Variants in CDT1 observed in about 807,000 individuals in gnomAD.
CDT1 encodes DNA replication factor Cdt1.
CDT1 carries 66 observed loss-of-function variants against 49.3 expected under a neutral mutation model. The ratio of observed to expected loss-of-function variants is 1.34; its 90% confidence interval spans 1.10 to 1.64. The LOEUF is 1.64. CDT1 is among the 40% of genes most tolerant of loss of function. The pLI, the probability that CDT1 is intolerant of heterozygous loss-of-function variation, is 0.00. For synonymous variants in CDT1, 424 were observed against 347.4 expected (o/e 1.22, Z -2.45); for missense variants, 958 against 807.7 (o/e 1.19, Z -2.26).
rs146199695 is a variant in CDT1, at chr16:88,807,477, G to T, written c.1472G>T (p.Ser491Ile). Residue 491 changes from serine (S) to isoleucine (I), a missense_variant, in exon 9 of 10, where the codon AGC becomes ATC. By Grantham distance (142) the Ser-to-Ile change is moderately radical. Transcript: ENST00000301019. ...GTGGGCAGCTGTTGTACTATCATGAGCCCTGGTACGTGCAGGGCGGGGTGA... is the reference window on the plus strand; with the variant it reads ...GTGGGCAGCTGTTGTACTATCATGATCCCTGGTACGTGCAGGGCGGGGTGA... ...RMVGSCCTIM[S>I]PGEMEKHLLL... 1 of 1,612,922 alleles carries T rather than the reference G, an allele frequency of 6.2e-7. No homozygotes were observed. Among genetic ancestry groups the T allele is most frequent in the East Asian group, 2.2e-5 (1 of 44,890 alleles).
At chr16:88,804,366 G>A (rs1412360472) in intron 1 of CDT1, among the ~76,000 whole-genome samples, 179 bp from the exon 2 acceptor site, 1 of 152,156 alleles carries the variant, frequency 6.6e-6, no homozygotes, top group African/African-American at 2.4e-5. Context: ...GGCCCCGGAA[G>A]ACGAGAGCAA....
chr16:88,804,733 C>CCCCT (rs746278564), intron 2 of CDT1, 29 bp from the exon 3 acceptor site: 24 of 1,612,634 alleles, frequency 1.5e-5, no homozygotes, highest in African/African-American at 2.7e-5. Context: ...GCCTGCCTGA[C>CCCCT]GGCACCGTGT....
intron 9 of CDT1, among the ~76,000 whole-genome samples, chr16:88,807,873 C>T (rs922592718): frequency 2.0e-5 from 3 of 152,226 alleles, no homozygotes; most frequent in African/African-American, 4.8e-5. Flanking sequence ...CATGGGCTGG[C>T]GGCCTCCATG....
chr16:88,806,457 A>C (rs753831123), intron 6 of CDT1, 29 bp from the exon 7 acceptor site: 4 of 1,606,586 alleles, frequency 2.5e-6, no homozygotes, highest in Admixed American at 1.7e-5. Context: ...AGATGTGCCC[A>C]GGGTCACCCA....
In CDT1 at chr16:88,808,241, G is replaced by T; in HGVS notation, c.1604G>T (p.Arg535Leu). 6.2e-7 allele frequency: 1 copy of T among 1,603,710 alleles called. No individual in the cohort carries two copies. The highest frequency in any genetic ancestry group is 8.5e-7 in the Non-Finnish European group (1 of 1,175,754). Residue 535 changes from arginine (R) to leucine (L), a missense_variant, in exon 10 of 10, where the codon CGC becomes CTC. Transcript: ENST00000301019. ...KAADLAHITA[R>L]LAHQTRAEEG... ...GCGGACCTCGCCCACATCACTGCAC[G>T]CCTGGCCCACCAGACACGTGCTGAG... is the stretch of plus-strand genomic sequence containing the variant.
intron 3 of CDT1, 104 bp from the exon 4 acceptor site, chr16:88,805,336 G>A: frequency 7.4e-7 from 1 of 1,357,670 alleles, no homozygotes. Flanking sequence ...ATCGTGTGTG[G>A]CATGGCAGGC....
rs1422183610 is a variant in CDT1, at chr16:88,804,907, T to C, written c.488+9T>C. On this transcript the variant is annotated intron_variant, in intron 3 of 9. Transcript: ENST00000301019. ...CGCCCTGAGGAGCCATGGTGAGTGC[T>C]GGGTGGGCGGCCACGAGGCCCCGGC... 1.9e-6 allele frequency: 3 copies of C among 1,546,216 alleles called. 1 individual carries two copies. The highest frequency in any genetic ancestry group is 2.3e-5 in the South Asian group (2 of 85,672).
At position 88,806,572 on chromosome 16, in the gene CDT1, A is replaced by G. The variant is rs1442526097; in HGVS notation, c.1020A>G (p.Val340=). ...RWHPRFNVDE[V]PDIEPAALPQ... is the part of the protein sequence containing the mutation. ...ACCCGCGCTTCAACGTGGATGAAGT[A>G]CCCGACATCGAGCCGGCCGCGCTGC... The change falls in exon 7 of 10, where the codon GTA becomes GTG. Residue 340 remains valine, a synonymous_variant. Coordinates refer to ENST00000301019, the MANE Select transcript of CDT1 (RefSeq NM_030928.4). 1 of 1,608,128 alleles carries G rather than the reference A, an allele frequency of 6.2e-7. No homozygotes were observed. Among genetic ancestry groups the G allele is most frequent in the Non-Finnish European group, 8.5e-7 (1 of 1,178,062 alleles).
rs748907268 is a variant in CDT1 at position 88,804,675 on chromosome 16, G to T, written c.351+8G>T. The T allele has an allele frequency of 1.5e-4, 242 of 1,612,270 alleles. 1 individual carries two copies. The East Asian group carries it at 5.4e-3, about 36-fold the overall frequency. On this transcript the variant is annotated splice_region_variant and intron_variant, in intron 2 of 9. Transcript: ENST00000301019. ...ACATCCGCGCAGGACCAGGTGAGGG[G>T]CGGGGCCTGGGGCAGATGCGGGAGG... is the stretch of plus-strand genomic sequence containing the variant.
chr16:88,805,904 C>G, intron 5 of CDT1, 35 bp downstream of exon 5: 1 of 1,609,696 alleles, frequency 6.2e-7, no homozygotes, highest in Non-Finnish European at 8.5e-7. Flanking sequence ...GTTTCCCCAT[C>G]TGTGAGCCGC....
chr16:88,805,940 G>T, intron 5 of CDT1, 71 bp downstream of exon 5: 5 of 1,593,286 alleles, frequency 3.1e-6, no homozygotes, highest in African/African-American at 1.3e-5. Flanking sequence ...GGTGTGAGGT[G>T]CTGGGCATCT....
Position 88,807,058 on chromosome 16 carries a change from A to C in CDT1, c.1130A>C (p.Lys377Thr), listed in dbSNP as rs772122928. The change falls in exon 8 of 10, where the codon AAG becomes ACG. Residue 377 changes from lysine (K) to threonine (T), a missense_variant. By Grantham distance (78) the Lys-to-Thr change is moderately conservative. Transcript: ENST00000301019. ...AACCTGTCCCTCCCGCAGATGGAGA[A>C]GGCCTTGAGTCAATTGGCCCTGCGC... Reference protein sequence around the residue: ...ARNLISPRMEKALSQLALRSA... With the variant: ...ARNLISPRMETALSQLALRSA... 6.8e-6 allele frequency: 11 copies of C among 1,612,910 alleles called. No individual in the cohort carries two copies. Among genetic ancestry groups the C allele is most frequent in the Non-Finnish European group, 9.3e-6 (11 of 1,179,960 alleles).
Position 88,808,243 on chromosome 16 carries a change from C to G in CDT1, c.1606C>G (p.Leu536Val). The G allele has an allele frequency of 1.2e-6, 2 of 1,603,644 alleles. No individual in the cohort carries two copies. Among genetic ancestry groups the G allele is most frequent in the Non-Finnish European group, 1.7e-6 (2 of 1,175,752 alleles). ...GGACCTCGCCCACATCACTGCACGCCTGGCCCACCAGACACGTGCTGAGGA... is the reference window on the plus strand; with the variant it reads ...GGACCTCGCCCACATCACTGCACGCGTGGCCCACCAGACACGTGCTGAGGA... ...AADLAHITAR[L>V]AHQTRAEEGL is the part of the protein sequence containing the mutation. Residue 536 changes from leucine (L) to valine (V), a missense_variant, in exon 10 of 10, where the codon CTG (leucine) becomes GTG (valine). By Grantham distance (32) the Leu-to-Val change is conservative. Coordinates refer to ENST00000301019, the MANE Select transcript of CDT1 (RefSeq NM_030928.4).
In CDT1 at chr16:88,806,044, C is replaced by A; in HGVS notation, c.856C>A (p.Leu286Ile). Residue 286 changes from leucine (L) to isoleucine (I), a missense_variant, in exon 6 of 10, where the codon CTC becomes ATC. Transcript: ENST00000301019. ...AGAGGCTGACGGAGCAGCCCCCCAG[C>A]TCACGGCCTCGCGCCTCCTGCAGCG... ...EQEADGAAPQ[L>I]TASRLLQRRQ... The A allele has an allele frequency of 6.3e-7, 1 of 1,594,106 alleles. No homozygotes were observed. The highest frequency in any genetic ancestry group is 8.5e-7 in the Non-Finnish European group (1 of 1,173,890).
In CDT1 at chr16:88,806,103, T is replaced by C. The variant is rs510862; in HGVS notation, c.915T>C (p.His305=). ...TCTTCAGCCAGAAGCTGGTGGAGCATGTCAAGGAGCACCACAAGGTGAGCG... is the reference window on the plus strand; with the variant it reads ...TCTTCAGCCAGAAGCTGGTGGAGCACGTCAAGGAGCACCACAAGGTGAGCG... ...RQIFSQKLVE[H]VKEHHKAFLA... Residue 305 remains histidine (H), a synonymous_variant, in exon 6 of 10, where the codon CAT becomes CAC. Transcript: ENST00000301019. 1,272,640 of 1,598,186 alleles carry C rather than the reference T, an allele frequency of 0.8. 508,881 individuals carry two copies. Among genetic ancestry groups the C allele is most frequent in the African/African-American group, 0.96 (72,187 of 74,970 alleles).
intron 2 of CDT1, 38 bp from the exon 3 acceptor site, chr16:88,804,724 C>CAGAT (rs1908781699): frequency 6.2e-6 from 10 of 1,612,688 alleles, no homozygotes; most frequent in Non-Finnish European, 7.6e-6. Flanking sequence ...GGCCTGCCTG[C>CAGAT]CTGCCTGACG....
chr16:88,804,562 C>G lies in CDT1; in HGVS notation c.246C>G (p.Thr82=). 3 of 1,612,680 alleles carry G rather than the reference C, an allele frequency of 1.9e-6. No individual in the cohort carries two copies. The highest frequency in any genetic ancestry group is 1.7e-6 in the Non-Finnish European group (2 of 1,179,672). Residue 82 remains threonine (T), a synonymous_variant, in exon 2 of 10, where the codon ACC becomes ACG. Coordinates refer to ENST00000301019, the MANE Select transcript of CDT1 (RefSeq NM_030928.4). ...CCCACCAGGTTTCCAGCCCCAGTAC[C>G]CCCGAGGCCCCAGACATCCCAGCCT... ...LSVDEVSSPS[T]PEAPDIPACP... is the part of the protein sequence containing the mutation.
rs753096632 is a variant in CDT1 at position 88,807,439 on chromosome 16, C to T, written c.1434C>T (p.Ala478=). 6.2e-7 allele frequency: 1 copy of T among 1,613,074 alleles called. No homozygotes were observed. The highest frequency in any genetic ancestry group is 1.1e-5 in the South Asian group (1 of 91,092). Residue 478 remains alanine, a synonymous_variant, in exon 9 of 10, where the codon GCC becomes GCT. Transcript: ENST00000301019. ...AGCCTGCGCTCAGCATGGAGGTGGC[C>T]TGTGCCAGGATGGTGGGCAGCTGTT... ...ERKPALSMEV[A]CARMVGSCCT... is the part of the protein sequence containing the mutation.
intron 6 of CDT1, 58 bp from the exon 7 acceptor site, chr16:88,806,428 T>TGCA (rs1908857961): frequency 6.3e-7 from 1 of 1,576,878 alleles, no homozygotes; most frequent in Non-Finnish European, 8.6e-7. Flanking sequence ...CTACCTCACA[T>TGCA]GCAGTCTGCC....
Sources: gnomAD v4.1 joint callset for allele counts (sites outside exome capture counted in the v4.1 genomes callset) on GRCh38, gnomAD v4.1.1 for gene constraint, MANE v1.5 for transcripts, NCBI Gene and HGNC (gene_info 2026-07-23, HGNC 2026-07-21) for gene names.